Variants in TTC34 observed in about 807,000 individuals in gnomAD.
TTC34 encodes tetratricopeptide repeat protein 34.
A neutral mutation model predicts 40.7 loss-of-function variants in TTC34; 44 were observed. The ratio of observed to expected loss-of-function variants is 1.08; its 90% CI spans 0.85 to 1.39. TTC34 has a LOEUF of 1.39. Among genes scored for constraint, TTC34 ranks in the 40% most tolerant of loss-of-function variants. The pLI, the probability that TTC34 is intolerant of heterozygous loss-of-function variation, is 0.00. For synonymous variants in TTC34, 422 were observed against 398.6 expected (o/e 1.06, Z -0.70); for missense variants, 884 against 838.0 (o/e 1.05, Z -0.68).
chr1:2,752,286 T>C (rs1641346133), intron 6 of TTC34, among the ~76,000 whole-genome samples: 1 of 65,712 alleles, frequency 1.5e-5, no homozygotes, highest in Non-Finnish European at 2.7e-5. Context: ...AACAGCACCT[T>C]GCACCCCCAG....
At chr1:2,797,911 CT>C (rs1322463656) in intron 2 of TTC34, among the ~76,000 whole-genome samples, 2 of 152,058 alleles carry the variant, frequency 1.3e-5, no homozygotes, top group Non-Finnish European at 2.9e-5. Flanking sequence ...AATCTCGTCA[CT>C]TCTAACTCTC....
Position 2,778,140 on chromosome 1 carries a change from C to G in TTC34, c.2226+5469G>C, listed in dbSNP as rs144177703. The stretch of plus-strand genomic sequence containing the variant: ...TGCCCTGGTCCAGCAGCCTGCCCTG[C>G]AGCAGCAAGCATGGCCTCTGGAGGC... On this transcript the variant is annotated intron_variant, in intron 6 of 8. Transcript: ENST00000401095. 6.9e-3 allele frequency among the ~76,000 whole-genome samples: 1,057 copies of G among 152,360 alleles called. 12 individuals carry two copies. The highest frequency in any genetic ancestry group is 0.024 in the African/African-American group (991 of 41,572).
At position 2,789,581 on chromosome 1, in the gene TTC34, C is replaced by G. The variant is rs1311551042; in HGVS notation, c.1550G>C (p.Arg517Pro). The G allele has an allele frequency of 6.1e-6, 9 of 1,475,084 alleles. No homozygotes were observed. The highest frequency in any genetic ancestry group is 3.6e-4 in the Middle Eastern group (2 of 5,548). 91.4% of individuals were successfully genotyped at this position (1,475,084 alleles called of 1,614,324 possible). ...TCTGGACGGCCCGGCGCGTGGAGAT[C>G]GCTGCAGCATCCCACGGGCCTCCTC... The change falls in exon 3 of 9, where the codon CGA (arginine) becomes CCA (proline). Residue 517 changes from arginine (R) to proline (P), a missense_variant. Arg to Pro is a moderately radical substitution (Grantham distance 103). Coordinates refer to ENST00000401095, the Ensembl canonical transcript of TTC34.
chr1:2,799,979 T>C (rs1050584839), intron 2 of TTC34, 65 bp downstream of exon 2: 7 of 398,066 alleles, frequency 1.8e-5, no homozygotes, highest in East Asian at 1.1e-4. Context: ...GACATAACCA[T>C]GTGGGGAGGG....
intron 6 of TTC34, among the ~76,000 whole-genome samples, chr1:2,684,398 C>G (rs1467255214): frequency 2.0e-5 from 3 of 150,594 alleles, no homozygotes; most frequent in Non-Finnish European, 4.4e-5. Context: ...ATCCACACCC[C>G]CAGGTGAGCA....
At chr1:2,687,225 G>T (rs1401057136) in intron 6 of TTC34, among the ~76,000 whole-genome samples, 5 of 138,896 alleles carry the variant, frequency 3.6e-5, no homozygotes, top group Admixed American at 2.8e-4. Flanking sequence ...GCATCCGACA[G>T]CCTGGAGCAG....
chr1:2,674,249 A>C (rs1266489323), intron 6 of TTC34, among the ~76,000 whole-genome samples: 41 of 81,462 alleles, frequency 5.0e-4, no homozygotes, highest in Middle Eastern at 7.4e-3. Flanking sequence ...CCCAGGTGAG[A>C]ATCTGACAGC....
Position 2,768,504 on chromosome 1 carries a change from G to C in TTC34, c.2226+15105C>G, listed in dbSNP as rs554015473. ...AGTGGGGAAAAGCTCCCCGCCCTCA[G>C]GTGAGTGTCTGACAGCCTGGAACAG... On this transcript the variant is annotated intron_variant, in intron 6 of 8. Transcript: ENST00000401095. Among the ~76,000 whole-genome samples, 14 of 151,428 alleles carry C rather than the reference G, an allele frequency of 9.2e-5. No individual in the cohort carries two copies. In the East Asian group the frequency reaches 2.7e-3, roughly 29 times the overall value.
At chr1:2,750,104 G>A (rs1445805361) in intron 6 of TTC34, among the ~76,000 whole-genome samples, 153 of 89,572 alleles carry the variant, frequency 1.7e-3, no homozygotes, top group African/African-American at 3.6e-3. Context: ...GCATCTGACA[G>A]CCTGGAACAG....
At chr1:2,686,108 A>T (rs75327282) in intron 6 of TTC34, among the ~76,000 whole-genome samples, 13 of 75,498 alleles carry the variant, frequency 1.7e-4, no homozygotes, top group East Asian at 9.6e-4. Context: ...ACAGCCTGGA[A>T]CGGCACCCAC....
chr1:2,749,426 C>G (rs1569686015), intron 6 of TTC34, among the ~76,000 whole-genome samples: 11 of 131,800 alleles, frequency 8.3e-5, no homozygotes, highest in Middle Eastern at 3.8e-3. Flanking sequence ...ACGTGACAGC[C>G]TGGAACAGCA....
chr1:2,687,496 G>A (rs533577306), intron 6 of TTC34, among the ~76,000 whole-genome samples: 1,551 of 146,838 alleles, frequency 0.011, 5 homozygotes, highest in Middle Eastern at 0.025. Context: ...ACTCAGGCGA[G>A]CATCTGACAT....
intron 6 of TTC34, among the ~76,000 whole-genome samples, chr1:2,750,195 C>A (rs1641269147): frequency 6.6e-6 from 1 of 152,018 alleles, no homozygotes; most frequent in African/African-American, 2.4e-5. Flanking sequence ...CCTGGGTCGG[C>A]ACCCACACCC....
chr1:2,639,902 T>G (rs575025360), exon 9 of TTC34: 2 of 152,366 alleles, frequency 1.3e-5, no homozygotes, highest in African/African-American at 4.8e-5. Flanking sequence ...GGGTGAGGCC[T>G]GAGGAGGAGG....
At position 2,641,989 on chromosome 1, in the gene TTC34, T is replaced by G. The variant is rs548917808; in HGVS notation, c.2713-94A>C. On this transcript the variant is annotated intron_variant, in intron 8 of 8. Transcript: ENST00000401095. ...TGCAGAGGTCCTCTGCACAGCCAGC[T>G]TCTGCTGGCTCCCTGGGGATGGCGG... 2.8e-3 allele frequency: 3,628 copies of G among 1,288,110 alleles called. 10 individuals carry two copies. The highest frequency in any genetic ancestry group is 3.5e-3 in the South Asian group (217 of 61,370). 79.8% of individuals were successfully genotyped at this position (1,288,110 alleles called of 1,614,324 possible).
intron 6 of TTC34, among the ~76,000 whole-genome samples, chr1:2,683,877 G>T (rs61763533): frequency 1.3e-4 from 6 of 44,638 alleles, no homozygotes; most frequent in African/African-American, 4.9e-4. Context: ...CCCACACCCC[G>T]AGGCGAGCAT....
At chr1:2,641,373 G>C in exon 9 of TTC34, 1 of 1,508,698 alleles carries the variant, frequency 6.6e-7, no homozygotes, top group Non-Finnish European at 8.8e-7. Flanking sequence ...CCCAGTCACT[G>C]TAGCCAGCAG....
chr1:2,657,484 C>G (rs1397715211), intron 6 of TTC34, among the ~76,000 whole-genome samples: 2 of 76,620 alleles, frequency 2.6e-5, no homozygotes, highest in Admixed American at 1.2e-4. Flanking sequence ...TCTGACCGAA[C>G]GGAGCAGCAC....
exon 9 of TTC34, chr1:2,637,020 CG>C (rs1282668333): frequency 3.3e-5 from 5 of 152,304 alleles, no homozygotes; most frequent in South Asian, 2.1e-4. Context: ...TATTGAGAGA[CG>C]GAACAGCTCT....
Sources: gnomAD v4.1 joint callset for allele counts (sites outside exome capture counted in the v4.1 genomes callset) on GRCh38, gnomAD v4.1.1 for gene constraint, MANE v1.5 for transcripts, NCBI Gene and HGNC (gene_info 2026-07-23, HGNC 2026-07-21) for gene names.